PGCKA1: variants seen among roughly 807,000 people sequenced by gnomAD.
PGCKA1 encodes PDCD10 and GCKIII kinases-associated protein 1.
chr4:37,456,409 C>A, the PGCKA1 span, among the ~76,000 whole-genome samples: 1 of 152,134 alleles, frequency 6.6e-6, no homozygotes, highest in Admixed American at 6.5e-5. Flanking sequence ...ATAATCCTTT[C>A]CTAAAACATA....
the PGCKA1 span, among the ~76,000 whole-genome samples, chr4:37,572,048 C>CTTTTT: frequency 4.5e-5 from 5 of 111,668 alleles, no homozygotes; most frequent in African/African-American, 6.5e-5. Flanking sequence ...AACTTCACAC[C>CTTTTT]TTTTTTTTTT....
chr4:37,584,028 A>G, the PGCKA1 span, among the ~76,000 whole-genome samples: 5 of 152,244 alleles, frequency 3.3e-5, no homozygotes, highest in African/African-American at 4.8e-5. Context: ...TGTGTGTCAC[A>G]TGCTAGACCC....
At chr4:37,591,157 C>T in the PGCKA1 span, 1 of 623,328 alleles carries the variant, frequency 1.6e-6, no homozygotes, top group South Asian at 2.1e-5. Context: ...AGCATCTGTC[C>T]CATGCTGCTT....
chr4:37,508,167 T>C, the PGCKA1 span, among the ~76,000 whole-genome samples: 1 of 152,178 alleles, frequency 6.6e-6, no homozygotes, highest in Admixed American at 6.5e-5. Context: ...TTTGAGAGTT[T>C]GGTTATTAAA....
the PGCKA1 span, among the ~76,000 whole-genome samples, chr4:37,497,302 A>G: frequency 3.9e-5 from 6 of 152,156 alleles, no homozygotes; most frequent in Admixed American, 2.6e-4. Flanking sequence ...CATCATATAT[A>G]TATATACCAC....
chr4:37,480,510 A>G, the PGCKA1 span, among the ~76,000 whole-genome samples: 1 of 152,090 alleles, frequency 6.6e-6, no homozygotes, highest in African/African-American at 2.4e-5. Context: ...AAACAAACAA[A>G]CAAAAAAAAC....
the PGCKA1 span, among the ~76,000 whole-genome samples, chr4:37,572,501 C>G: frequency 6.6e-6 from 1 of 152,116 alleles, no homozygotes; most frequent in Non-Finnish European, 1.5e-5. Context: ...CTTTGTTGTT[C>G]TCTCTGTCTT....
the PGCKA1 span, chr4:37,590,170 G>C: frequency 6.2e-7 from 1 of 1,614,200 alleles, no homozygotes; most frequent in South Asian, 1.1e-5. Context: ...AGACGACACT[G>C]ATAAATTAAA....
At chr4:37,560,755 G>A in the PGCKA1 span, among the ~76,000 whole-genome samples, 2 of 152,144 alleles carry the variant, frequency 1.3e-5, no homozygotes, top group African/African-American at 4.8e-5. Flanking sequence ...CAAAGGAAAA[G>A]TGTATATCTG....
chr4:37,511,542 C>T, the PGCKA1 span, among the ~76,000 whole-genome samples: 8 of 151,670 alleles, frequency 5.3e-5, no homozygotes, highest in African/African-American at 9.7e-5. Flanking sequence ...ATGACCAGTA[C>T]GCTATCATAC....
chr4:37,541,557 C>T, the PGCKA1 span, among the ~76,000 whole-genome samples: 1 of 152,232 alleles, frequency 6.6e-6, no homozygotes, highest in Admixed American at 6.5e-5. Context: ...TCATCAAATG[C>T]TGCACATTAA....
At chr4:37,472,011 T>C in the PGCKA1 span, among the ~76,000 whole-genome samples, 1 of 152,182 alleles carries the variant, frequency 6.6e-6, no homozygotes, top group African/African-American at 2.4e-5. Flanking sequence ...TATGTATGGC[T>C]ACCTTATGGG....
the PGCKA1 span, chr4:37,590,417 G>A: frequency 1.9e-6 from 3 of 1,613,316 alleles, no homozygotes; most frequent in East Asian, 2.2e-5. Context: ...GATGACAGGG[G>A]CTCCTGGGCC....
chr4:37,495,865 A>C, the PGCKA1 span, among the ~76,000 whole-genome samples: 2 of 152,144 alleles, frequency 1.3e-5, no homozygotes, highest in Non-Finnish European at 2.9e-5. Context: ...TTTAAGAAAA[A>C]AAAAAGTGTC....
the PGCKA1 span, among the ~76,000 whole-genome samples, chr4:37,466,778 GA>G: frequency 6.6e-6 from 1 of 152,064 alleles, no homozygotes; most frequent in Admixed American, 6.5e-5. Context: ...TGTTTGTGAT[GA>G]AAAAAATCCA....
chr4:37,522,213 G>A, the PGCKA1 span, among the ~76,000 whole-genome samples: 1 of 152,168 alleles, frequency 6.6e-6, no homozygotes, highest in Non-Finnish European at 1.5e-5. Flanking sequence ...CCATCTGGAA[G>A]TTAAGGACTA....
chr4:37,498,258 A>C, the PGCKA1 span, among the ~76,000 whole-genome samples: 2 of 152,144 alleles, frequency 1.3e-5, no homozygotes, highest in Admixed American at 6.5e-5. Flanking sequence ...ATTCTGTTCC[A>C]CTGGTCTATG....
chr4:37,519,433 A>G, the PGCKA1 span, among the ~76,000 whole-genome samples: 1 of 152,056 alleles, frequency 6.6e-6, no homozygotes, highest in East Asian at 1.9e-4. Flanking sequence ...GTACTCTTCA[A>G]TTTCTTTCAC....
At chr4:37,513,419 T>G in the PGCKA1 span, among the ~76,000 whole-genome samples, 271 of 152,358 alleles carry the variant, frequency 1.8e-3, 1 homozygote, top group Admixed American at 3.3e-3. Context: ...TAGTTTCTAG[T>G]GAGGATTCTC....
Sources: allele counts gnomAD v4.1 joint callset (sites outside exome capture counted in the v4.1 genomes callset), GRCh38; gene constraint gnomAD v4.1.1; transcripts MANE v1.5; gene names NCBI Gene and HGNC (gene_info 2026-07-23, HGNC 2026-07-21).